The following GNL3L variants were observed in gnomAD, a reference collection of about 807,000 sequenced individuals.
The protein encoded by GNL3L is G protein nucleolar 3 like, also known as guanine nucleotide-binding protein-like 3-like protein.
A neutral mutation model predicts 42.9 loss-of-function variants in GNL3L; 4 were observed. That is an observed-to-expected ratio of 0.09 (90% CI 0.05 to 0.21). GNL3L has a LOEUF of 0.21. Among genes scored for constraint, GNL3L ranks in the 10% least tolerant of loss-of-function variants. The probability of loss-of-function intolerance (pLI) is 1.00; values close to 1 mark genes in which losing one functional copy is unlikely to be tolerated. For synonymous variants in GNL3L, 159 were observed against 176.3 expected, an observed-to-expected ratio of 0.90 and a Z score of 0.78; for missense variants, 412 against 481.7, an observed-to-expected ratio of 0.86 and a Z score of 1.36.
At chrX:54,630,142 G>C in the GNL3L span, among the ~76,000 whole-genome samples, 3 of 107,438 alleles carry the variant, frequency 2.8e-5, no homozygotes, top group Non-Finnish European at 5.8e-5. Context: ...TGGATCTTCT[G>C]TCTTCTTTTC....
chrX:54,567,764 C>G (rs1476316372), downstream of GNL3L, among the ~76,000 whole-genome samples: 1 of 110,451 alleles, frequency 9.1e-6, no homozygotes, highest in Non-Finnish European at 1.9e-5. Context: ...TTGCCCTTTA[C>G]TAGTATGAGG....
chrX:54,562,218 G>T lies in GNL3L; in HGVS notation c.*1616G>T, dbSNP rs1056635314. On this transcript the variant is annotated 3_prime_UTR_variant, in exon 16 of 16. Transcript: ENST00000360845. ...CTGCCACCACGCCTGGCTAGTTTTTGTATTTTTAGTAGAGACGATGTTTCA... is the reference window on the plus strand; with the variant it reads ...CTGCCACCACGCCTGGCTAGTTTTTTTATTTTTAGTAGAGACGATGTTTCA... Among the ~76,000 whole-genome samples, 2 of 111,897 alleles carry T rather than the reference G, an allele frequency of 1.8e-5. No individual in the cohort carries two copies. Among genetic ancestry groups the T allele is most frequent in the African/African-American group, 6.5e-5 (2 of 30,775 alleles).
At chrX:54,553,446 T>G (rs1454415939) in intron 13 of GNL3L, among the ~76,000 whole-genome samples, 2 of 112,761 alleles carry the variant, frequency 1.8e-5, no homozygotes, top group African/African-American at 6.4e-5. Flanking sequence ...TTTAGTGTCC[T>G]TGTGTTACAC....
At chrX:54,634,992 G>A in the GNL3L span, among the ~76,000 whole-genome samples, 12,759 of 107,190 alleles carry the variant, frequency 0.12, 1,825 homozygotes, top group African/African-American at 0.41. Flanking sequence ...GGGTTTTGCC[G>A]TGTTGGCCAG....
chrX:54,616,597 T>C, intron 16 of GNL3L, among the ~76,000 whole-genome samples: 1 of 111,916 alleles, frequency 8.9e-6, no homozygotes. Flanking sequence ...CCCCTGAACC[T>C]AACAACTCCT....
At chrX:54,536,489 A>G (rs1014844823) in intron 2 of GNL3L, among the ~76,000 whole-genome samples, 1 of 110,866 alleles carries the variant, frequency 9.0e-6, no homozygotes, top group Non-Finnish European at 1.9e-5. Context: ...AGTTTTATCC[A>G]AAAGGAAACA....
At chrX:54,568,754 C>T (rs541107566), downstream of GNL3L, among the ~76,000 whole-genome samples, 36 of 111,738 alleles carry the variant, frequency 3.2e-4, 1 homozygote, top group Middle Eastern at 4.7e-3. Context: ...GGGGTTTCAC[C>T]GTGTTGGCCA....
chrX:54,613,752 G>A (rs1462647315), intron 16 of GNL3L, among the ~76,000 whole-genome samples: 1 of 111,265 alleles, frequency 9.0e-6, no homozygotes, highest in Non-Finnish European at 1.9e-5. Context: ...GTCATATCAT[G>A]TGAACATGAA....
chrX:54,624,014 G>A (rs1411692135), downstream of GNL3L, among the ~76,000 whole-genome samples: 1 of 109,777 alleles, frequency 9.1e-6, no homozygotes, highest in Admixed American at 9.7e-5. Context: ...TCGACTTCTC[G>A]GGCTCAAGTG....
intron 16 of GNL3L, among the ~76,000 whole-genome samples, chrX:54,572,612 G>C (rs1181675963): frequency 9.1e-6 from 1 of 109,775 alleles, no homozygotes; most frequent in Non-Finnish European, 1.9e-5. Flanking sequence ...CCTCCCGGAT[G>C]GGGCGGCTGG....
chrX:54,556,391 C>A (rs1925096687), intron 14 of GNL3L, among the ~76,000 whole-genome samples: 1 of 110,699 alleles, frequency 9.0e-6, no homozygotes, highest in Non-Finnish European at 1.9e-5. Flanking sequence ...ATGGGGGAGA[C>A]CACCCCCATG....
intron 16 of GNL3L, among the ~76,000 whole-genome samples, chrX:54,616,516 T>C (rs773230381): frequency 8.9e-6 from 1 of 112,516 alleles, no homozygotes; most frequent in Non-Finnish European, 1.9e-5. Flanking sequence ...TGTTTAAATA[T>C]ATTTGAAAAG....
the GNL3L span, among the ~76,000 whole-genome samples, chrX:54,641,000 G>C: frequency 8.9e-6 from 1 of 111,780 alleles, no homozygotes; most frequent in Non-Finnish European, 1.9e-5. Context: ...CACTGAGACA[G>C]GGAATCTGAG....
intron 16 of GNL3L, among the ~76,000 whole-genome samples, chrX:54,606,096 C>T (rs1388566504): frequency 9.0e-6 from 1 of 111,564 alleles, no homozygotes; most frequent in African/African-American, 3.3e-5. Context: ...AGCAGGATAA[C>T]CTGAATGACC....
the GNL3L span, among the ~76,000 whole-genome samples, chrX:54,630,708 T>TC: frequency 5.1e-5 from 3 of 58,649 alleles, no homozygotes; most frequent in Non-Finnish European, 8.5e-5. Flanking sequence ...CTTTCTTTCT[T>TC]TTTCTTTCTT....
At chrX:54,640,720 C>T in the GNL3L span, among the ~76,000 whole-genome samples, 7 of 112,213 alleles carry the variant, frequency 6.2e-5, no homozygotes, top group African/African-American at 2.3e-4. Context: ...CTCTTGTCGA[C>T]CCGCTTTCCT....
chrX:54,629,816 A>G, the GNL3L span, among the ~76,000 whole-genome samples: 1 of 111,672 alleles, frequency 9.0e-6, no homozygotes, highest in Non-Finnish European at 1.9e-5. Flanking sequence ...ATCTTTTGCA[A>G]TAGTTTCAGT....
the GNL3L span, among the ~76,000 whole-genome samples, chrX:54,626,727 T>C: frequency 2.7e-5 from 3 of 111,913 alleles, no homozygotes; most frequent in East Asian, 5.6e-4. Context: ...TGATATGATA[T>C]CTCATTGTGG....
chrX:54,607,011 T>TCTTTCTTCCTTC, intron 16 of GNL3L, among the ~76,000 whole-genome samples: 1 of 30,372 alleles, frequency 3.3e-5, no homozygotes, highest in South Asian at 1.5e-3. Context: ...TTTCTTTCTT[T>TCTTTCTTCCTTC]CTTTCTTTCT....
Sources: allele counts gnomAD v4.1 joint callset (sites outside exome capture counted in the v4.1 genomes callset), GRCh38; gene constraint gnomAD v4.1.1; transcripts MANE v1.5; gene names NCBI Gene and HGNC (gene_info 2026-07-23, HGNC 2026-07-21).